TTN: variants seen among roughly 807,000 people sequenced by gnomAD.
TTN encodes the protein titin.
A neutral mutation model predicts 3,223.0 loss-of-function variants in TTN; 1,525 were observed. The observed-to-expected ratio is 0.47, with a 90% CI of 0.45 to 0.49. The LOEUF (loss-of-function observed/expected upper bound fraction) is 0.49. TTN is among the 20% of genes least tolerant of loss of function. The pLI is 0.00. For synonymous variants in TTN, 14,094 were observed against 15,161.0 expected, an observed-to-expected ratio of 0.93 and a Z score of 5.17; for missense variants, 40,786 against 43,424.0, an observed-to-expected ratio of 0.94 and a Z score of 5.40.
intron 221 of TTN, 103 bp downstream of exon 221, chr2:178,640,438 A>C (rs2154237881): frequency 9.4e-7 from 1 of 1,065,620 alleles, no homozygotes; most frequent in Middle Eastern, 2.1e-4. Flanking sequence ...TGTGATTAAC[A>C]GATTAAGGTC....
chr2:178,536,330 C>T lies in TTN; in HGVS notation c.100417G>A (p.Gly33473Ser), dbSNP rs397517783. The stretch of plus-strand genomic sequence containing the variant: ...ATTTCACTCCATTCACTTTCCCCAC[C>T]TAGATTTTCACATTTCACACGAAAC... ...YEFRVKCENL[G>S]GESEWSEISE... Residue 33473 changes from glycine to serine, a missense_variant, in exon 357 of 363, where the codon GGT becomes AGT. Transcript: ENST00000589042. 3.8e-5 allele frequency: 61 copies of T among 1,613,600 alleles called. No homozygotes were observed. The Middle Eastern group carries it at 4.9e-4, about 13-fold the overall frequency.
chr2:178,624,116 C>T (rs1431913467), intron 242 of TTN, among the ~76,000 whole-genome samples: 1 of 151,930 alleles, frequency 6.6e-6, no homozygotes, highest in Non-Finnish European at 1.5e-5. Flanking sequence ...AAAATTAGGA[C>T]TCCCTACTTA....
chr2:178,689,731 T>C (rs1248053710), intron 122 of TTN, 82 bp downstream of exon 122: 1 of 1,458,176 alleles, frequency 6.9e-7, no homozygotes, highest in Non-Finnish European at 9.4e-7. Context: ...AGAATTAAAC[T>C]AACTCAATGA....
chr2:178,722,439 C>G lies in TTN; in HGVS notation c.22348G>C (p.Val7450Leu), dbSNP rs1195511070. ...AGTACTCCATCTCTATACCAGCACA[C>G]TTGGATGGGTGCAGAGCCATTTAAT... ...CRLNGSAPIQ[V>L]CWYRDGVLLR... Residue 7450 changes from valine (V) to leucine (L), a missense_variant, in exon 77 of 363, where the codon GTG (valine) becomes CTG (leucine). Coordinates refer to ENST00000589042, the MANE Select transcript of TTN (RefSeq NM_001267550.2). 1.2e-6 allele frequency: 2 copies of G among 1,613,452 alleles called. No individual in the cohort carries two copies. Among genetic ancestry groups the G allele is most frequent in the South Asian group, 2.2e-5 (2 of 91,066 alleles).
intron 1 of TTN, among the ~76,000 whole-genome samples, chr2:178,806,130 A>C (rs1239336120): frequency 1.3e-5 from 2 of 152,218 alleles, no homozygotes; most frequent in Non-Finnish European, 2.9e-5. Context: ...AAAAAAATGA[A>C]ACCAGCATTC....
chr2:178,572,901 C>T lies in TTN; in HGVS notation c.73231G>A (p.Ala24411Thr), dbSNP rs772653954. 3 of 1,613,398 alleles carry T rather than the reference C, an allele frequency of 1.9e-6. No individual in the cohort carries two copies. Among genetic ancestry groups the T allele is most frequent in the South Asian group, 2.2e-5 (2 of 91,076 alleles). ...AMNSEGLGEP[A>T]LVPGTPKAED... The stretch of plus-strand genomic sequence containing the variant: ...GCCTTTGGAGTTCCAGGAACAAGGG[C>T]AGGTTCCCCAAGTCCTTCGGAATTC... Residue 24411 changes from alanine to threonine, a missense_variant, in exon 326 of 363, where the codon GCC (alanine) becomes ACC (threonine). Ala to Thr is a moderately conservative substitution (Grantham distance 58). Coordinates refer to ENST00000589042, the MANE Select transcript of TTN (RefSeq NM_001267550.2).
chr2:178,795,398 T>C (rs2154356380), intron 6 of TTN, 146 bp from the exon 7 acceptor site: 1 of 724,066 alleles, frequency 1.4e-6, no homozygotes, highest in East Asian at 2.7e-5. Flanking sequence ...AATAATGTAC[T>C]TGGAAGTAAT....
At position 178,539,404 on chromosome 2, in the gene TTN, T is replaced by C; in HGVS notation, c.98661A>G (p.Pro32887=). 1 of 1,612,624 alleles carries C rather than the reference T, an allele frequency of 6.2e-7. No individual in the cohort carries two copies. Among genetic ancestry groups the C allele is most frequent in the Non-Finnish European group, 8.5e-7 (1 of 1,178,718 alleles). ...TACTCAATGGTGTTTTTGGTGTGAC[T>C]GGTTCCTCAGATTTCAAGGGTTTGC... ...GISKPLKSEE[P]VTPKTPLNPP... The change falls in exon 352 of 363, where the codon CCA becomes CCG. Residue 32887 remains proline, a synonymous_variant. Coordinates refer to ENST00000589042, the MANE Select transcript of TTN (RefSeq NM_001267550.2).
At chr2:178,648,687 G>A (rs1185373543) in intron 213 of TTN, among the ~76,000 whole-genome samples, 1 of 152,162 alleles carries the variant, frequency 6.6e-6, no homozygotes, top group East Asian at 1.9e-4. Context: ...TGGGATGACA[G>A]GCGTGAGCCA....
intron 288 of TTN, 104 bp downstream of exon 288, chr2:178,600,750 G>A (rs117131451): frequency 7.3e-7 from 1 of 1,363,298 alleles, no homozygotes; most frequent in Non-Finnish European, 1.0e-6. Flanking sequence ...AGCCATAGTA[G>A]CTTCCTAAGG....
In TTN at chr2:178,581,793, G is replaced by A. The variant is rs1471770452; in HGVS notation, c.66475C>T (p.Pro22159Ser). ...TCATATACTTTAGGGAAAGCCGGTG[G>A]GCCAGGAGGATCTGAGAATAAATAA... Reference protein sequence around the residue: ...YARDPQYPPGPPAFPKVYDTT... With the variant: ...YARDPQYPPGSPAFPKVYDTT... The change falls in exon 316 of 363, where the codon CCA becomes TCA. Residue 22159 changes from proline to serine, a missense_variant. Transcript: ENST00000589042. 1.3e-6 allele frequency: 2 copies of A among 1,596,732 alleles called. No individual in the cohort carries two copies. Among genetic ancestry groups the A allele is most frequent in the Non-Finnish European group, 8.5e-7 (1 of 1,171,822 alleles).
Position 178,725,768 on chromosome 2 carries a change from C to G in TTN, c.20554G>C (p.Glu6852Gln). 1 of 1,584,204 alleles carries G rather than the reference C, an allele frequency of 6.3e-7. No individual in the cohort carries two copies. ...DTCVCTVKLKEPPRFVSKLNS... is the reference protein window; with the variant it reads ...DTCVCTVKLKQPPRFVSKLNS... ...TGCCATGTGGATGAACTATATTTAC[C>G]TTTCAATTTTACAGTACAAACACAA... The change falls in exon 70 of 363, where the codon GAA becomes CAA. Residue 6852 changes from glutamate (E) to glutamine (Q), a missense_variant and splice_region_variant. Coordinates refer to ENST00000589042, the MANE Select transcript of TTN (RefSeq NM_001267550.2).
intron 257 of TTN, among the ~76,000 whole-genome samples, chr2:178,616,203 A>G (rs1296183245): frequency 6.6e-6 from 1 of 151,912 alleles, no homozygotes; most frequent in East Asian, 1.9e-4. Flanking sequence ...ATGGGTACAT[A>G]TTGGGTACTT....
At chr2:178,673,239 A>T (rs2067323731) in intron 152 of TTN, among the ~76,000 whole-genome samples, 1 of 151,832 alleles carries the variant, frequency 6.6e-6, no homozygotes, top group African/African-American at 2.4e-5. Context: ...TAAAATAGTT[A>T]TTATCCAAGC....
Position 178,730,544 on chromosome 2 carries a change from C to T in TTN, c.17989G>A (p.Ala5997Thr), listed in dbSNP as rs72648946. The T allele has an allele frequency of 1.0e-3, 1,606 of 1,613,328 alleles. 14 individuals are homozygous for T. The African/African-American group carries it at 0.019, about 19-fold the overall frequency. The change falls in exon 61 of 363, where the codon GCA (alanine) becomes ACA (threonine). Residue 5997 changes from alanine to threonine, a missense_variant. By Grantham distance (58) the Ala-to-Thr change is moderately conservative (BLOSUM62 0). Transcript: ENST00000589042. ...TGCCCACTGCATTGGTTGTGCCCTG[C>T]CTTATTTGTGGCAGAACAAGTGTAT... Reference protein sequence around the residue: ...GTYTCSATNKAGHNQCSGHLT... With the variant: ...GTYTCSATNKTGHNQCSGHLT...
chr2:178,678,753 C>T lies in TTN; in HGVS notation c.33820G>A (p.Ala11274Thr). The change falls in exon 143 of 363, where the codon GCC (alanine) becomes ACC (threonine). Residue 11274 changes from alanine to threonine, a missense_variant. Transcript: ENST00000589042. The part of the protein sequence containing the change: ...PVPKKVEAPP[A>T]KVPEVPKKPV... The stretch of plus-strand genomic sequence containing the variant: ...ACATTGCAAGTTCATGTACCTTTGG[C>T]AGGTGGAGCTTCCACCTTTTTAGGA... The T allele has an allele frequency of 6.2e-7, 1 of 1,600,136 alleles. No individual in the cohort carries two copies. Among genetic ancestry groups the T allele is most frequent in the South Asian group, 1.1e-5 (1 of 87,348 alleles).
chr2:178,579,443 A>G, intron 319 of TTN, 50 bp from the exon 320 acceptor site: 1 of 1,560,658 alleles, frequency 6.4e-7, no homozygotes, highest in Non-Finnish European at 8.6e-7. Context: ...CCAGGCGATT[A>G]ACTTTTTCAA....
Position 178,560,675 on chromosome 2 carries a change from T to C in TTN, c.85457A>G (p.Tyr28486Cys). 1 of 1,613,670 alleles carries C rather than the reference T, an allele frequency of 6.2e-7. No homozygotes were observed. Among genetic ancestry groups the C allele is most frequent in the Non-Finnish European group, 8.5e-7 (1 of 1,179,760 alleles). Residue 28486 changes from tyrosine (Y) to cysteine (C), a missense_variant, in exon 326 of 363, where the codon TAC (tyrosine) becomes TGC (cysteine). Coordinates refer to ENST00000589042, the MANE Select transcript of TTN (RefSeq NM_001267550.2). ...GCTTGTTTCACGTTTTTCTACGATG[T>C]AATAGTCGATATCTGCACCACCATC... is the stretch of plus-strand genomic sequence containing the variant. The part of the protein sequence containing the change: ...QEDGGADIDY[Y>C]IVEKRETSHL...
rs1244080875 is a variant in TTN at position 178,572,311 on chromosome 2, G to A, written c.73821C>T (p.Thr24607=). The change falls in exon 326 of 363, where the codon ACC becomes ACT. Residue 24607 remains threonine, a synonymous_variant. Coordinates refer to ENST00000589042, the MANE Select transcript of TTN (RefSeq NM_001267550.2). Reference sequence around the variant, plus strand: ...GTTCTGATGCTTTCACAGATTCTGCGGTTTCAGCAGGCAGCCCAATGCCAT... The same window carrying A: ...GTTCTGATGCTTTCACAGATTCTGCAGTTTCAGCAGGCAGCCCAATGCCAT... ...NEYGIGLPAE[T]AESVKASERP... is the part of the protein sequence containing the mutation. 9.3e-6 allele frequency: 15 copies of A among 1,611,228 alleles called. No individual in the cohort carries two copies. The highest frequency in any genetic ancestry group is 3.3e-5 in the South Asian group (3 of 91,038).
Sources: gnomAD v4.1 joint callset for allele counts (sites outside exome capture counted in the v4.1 genomes callset) on GRCh38, gnomAD v4.1.1 for gene constraint, MANE v1.5 for transcripts, NCBI Gene and HGNC (gene_info 2026-07-23, HGNC 2026-07-21) for gene names.